TMCC2: variants seen among roughly 807,000 people sequenced by gnomAD.
TMCC2 encodes the protein transmembrane and coiled-coil domains protein 2.
In TMCC2, 16 loss-of-function variants were observed where a neutral mutation model predicts 49.4. The observed-to-expected ratio is 0.32, with a 90% CI of 0.22 to 0.49. TMCC2 has a LOEUF of 0.49. Among genes scored for constraint, TMCC2 ranks in the 20% least tolerant of loss-of-function variants. TMCC2 has a pLI of 0.99. For synonymous variants in TMCC2, 397 were observed against 434.1 expected (o/e 0.91, Z 1.06); for missense variants, 762 against 989.8 (o/e 0.77, Z 3.09).
At chr1:205,257,128 G>A in intron 2 of TMCC2, 1 of 1,230,218 alleles carries the variant, frequency 8.1e-7, no homozygotes. Context: ...GGAAGGAGCA[G>A]CCCGTGAGCC....
chr1:205,269,764 A>G lies in TMCC2; in HGVS notation c.1562A>G (p.Glu521Gly). 6.2e-7 allele frequency: 1 copy of G among 1,614,184 alleles called. No individual in the cohort carries two copies. The highest frequency in any genetic ancestry group is 1.3e-5 in the African/African-American group (1 of 75,054). Residue 521 changes from glutamate to glycine, a missense_variant, in exon 3 of 5, where the codon GAA (glutamate) becomes GGA (glycine). Physicochemically the swap from Glu to Gly is moderately conservative, Grantham distance 98. Transcript: ENST00000358024. ...GAPGNLDALL[E>G]ELREIKEGQS... ...CCTGGAAACCTGGATGCTCTGCTGGAAGAGCTACGGGAGATCAAGGAGGGA... is the reference window on the plus strand; with the variant it reads ...CCTGGAAACCTGGATGCTCTGCTGGGAGAGCTACGGGAGATCAAGGAGGGA...
Position 205,269,224 on chromosome 1 carries a change from A to G in TMCC2, c.1022A>G (p.Gln341Arg), listed in dbSNP as rs771037795. The change falls in exon 3 of 5, where the codon CAG becomes CGG. Residue 341 changes from glutamine to arginine, a missense_variant. Gln to Arg is a conservative substitution (Grantham distance 43). Around this residue, in one of 2 missense-constraint regions of TMCC2, gnomAD observed 440 missense variants for 636.7 expected, o/e 0.69. Transcript: ENST00000358024. Reference protein sequence around the residue: ...RIKQVFEKKNQKSAQTIAQLH... With the variant: ...RIKQVFEKKNRKSAQTIAQLH... ...AAGCAAGTGTTCGAGAAGAAGAACC[A>G]GAAGTCAGCCCAGACCATCGCCCAG... is the stretch of plus-strand genomic sequence containing the variant. 1 of 1,614,070 alleles carries G rather than the reference A, an allele frequency of 6.2e-7. No individual in the cohort carries two copies. The highest frequency in any genetic ancestry group is 2.2e-5 in the East Asian group (1 of 44,886).
In TMCC2 at chr1:205,269,558, G is replaced by T; in HGVS notation, c.1356G>T (p.Gly452=). ...IAHLKDPLED[G]PPEEAARALS... is the part of the protein sequence containing the mutation. ...ACCTGAAGGACCCCCTGGAAGATGG[G>T]CCCCCTGAGGAGGCAGCCCGGGCAC... is the stretch of plus-strand genomic sequence containing the variant. The change falls in exon 3 of 5, where the codon GGG becomes GGT. Residue 452 remains glycine, a synonymous_variant. Transcript: ENST00000358024. 1.9e-6 allele frequency: 3 copies of T among 1,613,832 alleles called. No individual in the cohort carries two copies. Among genetic ancestry groups the T allele is most frequent in the Non-Finnish European group, 2.5e-6 (3 of 1,179,936 alleles).
intron 1 of TMCC2, among the ~76,000 whole-genome samples, chr1:205,239,301 A>G (rs976382049): frequency 6.6e-6 from 1 of 152,182 alleles, no homozygotes; most frequent in Non-Finnish European, 1.5e-5. Context: ...GAGGTCTCAC[A>G]TCAGCTTGGG....
intron 2 of TMCC2, among the ~76,000 whole-genome samples, chr1:205,256,710 T>G (rs760497093): frequency 6.6e-6 from 1 of 152,206 alleles, no homozygotes; most frequent in Non-Finnish European, 1.5e-5. Context: ...TGTGTTAGGA[T>G]CTGCCAGGGA....
rs1660878564 is a variant in TMCC2, at chr1:205,256,523, G to A, written c.748-12427G>A. On this transcript the variant is annotated intron_variant, in intron 2 of 4. Transcript: ENST00000358024. ...GAAGTGGCCATTGGTGTCCAGGGCA[G>A]AGACTGGATTTCTGGGACAGGATCT... 3 of 1,156,922 alleles carry A rather than the reference G, an allele frequency of 2.6e-6. No homozygotes were observed. In the Admixed American group the frequency reaches 6.0e-5, roughly 23 times the overall value. The allele number at this position is 1,156,922 out of a possible 1,614,324, so 71.7% of individuals were successfully genotyped here. A position where few individuals can be genotyped will look rare whatever the true frequency, so the allele number is the denominator to read the frequency against.
At chr1:205,267,029 G>C (rs1270926654) in intron 2 of TMCC2, among the ~76,000 whole-genome samples, 1 of 152,202 alleles carries the variant, frequency 6.6e-6, no homozygotes, top group Non-Finnish European at 1.5e-5. Flanking sequence ...GGGAGACTGT[G>C]GGTATGAAAG....
At chr1:205,263,401 C>G (rs749546288) in intron 2 of TMCC2, among the ~76,000 whole-genome samples, 42 of 152,276 alleles carry the variant, frequency 2.8e-4, no homozygotes, top group Non-Finnish European at 5.9e-4. Context: ...TAAAAACCCA[C>G]AGTCTGGCCG....
chr1:205,229,676 A>T lies in TMCC2; in HGVS notation c.207+905A>T, dbSNP rs146196366. On this transcript the variant is annotated intron_variant, in intron 1 of 4. Transcript: ENST00000358024. ...AACCAACCCCCAGGGTGGAGAACTG[A>T]CAGGTGGTGGAGCAGTGCTTGGGCT... The T allele has an allele frequency of 1.9e-4, 185 of 985,180 alleles. 2 individuals are homozygous for T. The African/African-American group carries it at 3.0e-3, about 16-fold the overall frequency. 61.0% of individuals were successfully genotyped at this position (985,180 alleles called of 1,614,324 possible). A position where few individuals can be genotyped will look rare whatever the true frequency, so the allele number is the denominator to read the frequency against.
chr1:205,259,793 C>T lies in TMCC2; in HGVS notation c.748-9157C>T, dbSNP rs997727180. 4.6e-5 allele frequency among the ~76,000 whole-genome samples: 7 copies of T among 152,342 alleles called. No homozygotes were observed. In the Middle Eastern group the frequency reaches 0.01, roughly 222 times the overall value. On this transcript the variant is annotated intron_variant, in intron 2 of 4. Coordinates refer to ENST00000358024, the MANE Select transcript of TMCC2 (RefSeq NM_014858.4). The stretch of plus-strand genomic sequence containing the variant: ...TCTGGCAGAGAGCCTAATCCAGCTT[C>T]ATTTAGTGTTGTGAAAGGGGCCAGG...
chr1:205,241,473 C>T lies in TMCC2; in HGVS notation c.208-32C>T, dbSNP rs370949066. The T allele has an allele frequency of 4.3e-5, 69 of 1,604,806 alleles. No homozygotes were observed. The African/African-American group carries it at 7.8e-4, about 18-fold the overall frequency. On this transcript the variant is annotated intron_variant, in intron 1 of 4. Transcript: ENST00000358024. This position sits in a 1 kb window ranked among gnomAD's most constrained non-coding sequence, Gnocchi z 7.3. Reference sequence around the variant, plus strand: ...TGACTAGGCAATCAAGAGCTTTCCACTCACCAGGGTTCTTCATCTCTCCCC... The same window carrying T: ...TGACTAGGCAATCAAGAGCTTTCCATTCACCAGGGTTCTTCATCTCTCCCC...
chr1:205,256,113 CTT>C (rs940487414), intron 2 of TMCC2: 47 of 1,109,670 alleles, frequency 4.2e-5, no homozygotes, highest in Non-Finnish European at 5.7e-5. Context: ...GCCCTTATCT[CTT>C]CACACCTTCT....
At chr1:205,248,813 A>G (rs532835423) in intron 2 of TMCC2, among the ~76,000 whole-genome samples, 32 of 151,884 alleles carry the variant, frequency 2.1e-4, no homozygotes, top group African/African-American at 7.0e-4. Context: ...TTAGGCATCA[A>G]TCCCTTCTCT....
chr1:205,236,459 G>A (rs1660053367), intron 1 of TMCC2: 1 of 152,220 alleles, frequency 6.6e-6, no homozygotes, highest in Non-Finnish European at 1.5e-5. Flanking sequence ...GATTTGTAGA[G>A]ACTTGGATAG....
In TMCC2 at chr1:205,269,941, G is replaced by A. The variant is rs576517619; in HGVS notation, c.1682+57G>A. 4.5e-5 allele frequency: 69 copies of A among 1,542,830 alleles called. No individual in the cohort carries two copies. The Admixed American group carries it at 1.2e-3, about 26-fold the overall frequency. ...AGCCGGACGTGGGATGAGGCAAGGAGCACTGGGTTTCAGACCCAGGGTGTG... is the reference window on the plus strand; with the variant it reads ...AGCCGGACGTGGGATGAGGCAAGGAACACTGGGTTTCAGACCCAGGGTGTG... On this transcript the variant is annotated intron_variant, in intron 3 of 4. Coordinates refer to ENST00000358024, the MANE Select transcript of TMCC2 (RefSeq NM_014858.4).
rs1661514871 is a variant in TMCC2 at position 205,269,955 on chromosome 1, A to G, written c.1682+71A>G. The stretch of plus-strand genomic sequence containing the variant: ...TGAGGCAAGGAGCACTGGGTTTCAG[A>G]CCCAGGGTGTGGAGGCAGTCAGAGG... On this transcript the variant is annotated intron_variant, in intron 3 of 4. Transcript: ENST00000358024. 26 of 1,486,566 alleles carry G rather than the reference A, an allele frequency of 1.7e-5. No homozygotes were observed. The South Asian group carries it at 3.2e-4, about 19-fold the overall frequency. 92.1% of individuals were successfully genotyped at this position (1,486,566 alleles called of 1,614,324 possible). A position where few individuals can be genotyped will look rare whatever the true frequency, so the allele number is the denominator to read the frequency against.
rs1053635766 is a variant in TMCC2 at position 205,269,757 on chromosome 1, C to G, written c.1555C>G (p.Leu519Val). Residue 519 changes from leucine to valine, a missense_variant, in exon 3 of 5, where the codon CTG becomes GTG. Leu to Val is a conservative substitution (Grantham distance 32). This residue lies in a region of TMCC2 where 440 missense variants were observed against 636.7 expected (regional missense o/e 0.69). Coordinates refer to ENST00000358024, the MANE Select transcript of TMCC2 (RefSeq NM_014858.4). ...TGGTGCTCCTGGAAACCTGGATGCTCTGCTGGAAGAGCTACGGGAGATCAA... is the reference window on the plus strand; with the variant it reads ...TGGTGCTCCTGGAAACCTGGATGCTGTGCTGGAAGAGCTACGGGAGATCAA... ...LYGAPGNLDALLEELREIKEG... is the reference protein window; with the variant it reads ...LYGAPGNLDAVLEELREIKEG... 6.8e-6 allele frequency: 11 copies of G among 1,614,080 alleles called. No individual in the cohort carries two copies. Among genetic ancestry groups the G allele is most frequent in the Admixed American group, 1.7e-5 (1 of 60,008 alleles).
Position 205,272,577 on chromosome 1 carries a change from G to A in TMCC2, c.*453G>A, listed in dbSNP as rs1661642393. On this transcript the variant is annotated 3_prime_UTR_variant, in exon 5 of 5. Transcript: ENST00000358024. ...ATGAAGGCTGGAGAGTGAGGGAGGAGGCTCTGCTGGCCGCAGAGAACACAG... is the reference window on the plus strand; with the variant it reads ...ATGAAGGCTGGAGAGTGAGGGAGGAAGCTCTGCTGGCCGCAGAGAACACAG... 1 of 176,032 alleles carries A rather than the reference G, an allele frequency of 5.7e-6. No individual in the cohort carries two copies. The highest frequency in any genetic ancestry group is 2.4e-5 in the African/African-American group (1 of 42,078). 10.9% of individuals were successfully genotyped at this position (176,032 alleles called of 1,614,324 possible).
At chr1:205,238,301 A>G (rs961300101) in intron 1 of TMCC2, among the ~76,000 whole-genome samples, 1 of 151,610 alleles carries the variant, frequency 6.6e-6, no homozygotes, top group Non-Finnish European at 1.5e-5. Flanking sequence ...CCTCCCTGAC[A>G]CCCACATGCA....
Sources: gnomAD v4.1 joint callset for allele counts (sites outside exome capture counted in the v4.1 genomes callset) on GRCh38, gnomAD v4.1.1 for gene constraint, gnomAD v4.1.1 regional missense constraint, Gnocchi (gnomAD v3.1) non-coding constraint, MANE v1.5 for transcripts, NCBI Gene and HGNC (gene_info 2026-07-23, HGNC 2026-07-21) for gene names.